The following PCMT1 variants were observed in gnomAD, a reference collection of about 807,000 sequenced individuals.
The protein encoded by PCMT1 is protein-L-isoaspartate (D-aspartate) O-methyltransferase.
PCMT1 carries 9 observed loss-of-function variants against 29.2 expected under a neutral mutation model. The observed-to-expected ratio is 0.31, with a 90% CI of 0.19 to 0.54. PCMT1 has a LOEUF of 0.54. Ranked by LOEUF, PCMT1 falls within the 20% of genes least tolerant of loss-of-function variation. PCMT1 has a pLI of 0.95. For missense variants in PCMT1, 184 were observed against 282.2 expected, an observed-to-expected ratio of 0.65 and a Z score of 2.49; for synonymous variants, 98 against 97.5, an observed-to-expected ratio of 1.00 and a Z score of -0.03.
intron 6 of PCMT1, chr6:149,797,517 T>TA (rs5880850): frequency 0.52 from 78,599 of 150,358 alleles, 23,172 homozygotes; most frequent in East Asian, 0.83. Context: ...AGACCCTGTT[T>TA]AAAAAAAAAA....
chr6:149,769,950 C>T (rs2115248332), intron 1 of PCMT1, among the ~76,000 whole-genome samples: 1 of 152,142 alleles, frequency 6.6e-6, no homozygotes, highest in South Asian at 2.1e-4. Flanking sequence ...ATCTTGCTTT[C>T]CTTCCTGAGA....
chr6:149,794,791 T>C (rs1562420871), intron 5 of PCMT1: 2 of 481,438 alleles, frequency 4.2e-6, no homozygotes, highest in Non-Finnish European at 8.4e-6. Context: ...ATGAGTCTCA[T>C]GTTGCCAGTG....
chr6:149,765,359 C>CAA (rs745563333), intron 1 of PCMT1, among the ~76,000 whole-genome samples: 2,826 of 85,612 alleles, frequency 0.033, 278 homozygotes, highest in African/African-American at 0.12. Context: ...GACTCTGTCT[C>CAA]AAAAAAAAAA....
chr6:149,793,261 G>C (rs1376964029), intron 4 of PCMT1, among the ~76,000 whole-genome samples: 1 of 151,166 alleles, frequency 6.6e-6, no homozygotes, highest in Non-Finnish European at 1.5e-5. Context: ...AAAAATTATT[G>C]TACTACTATT....
intron 1 of PCMT1, among the ~76,000 whole-genome samples, chr6:149,757,198 C>A (rs977232412): frequency 6.6e-6 from 1 of 152,036 alleles, no homozygotes; most frequent in Non-Finnish European, 1.5e-5. Context: ...TATCTTTAGT[C>A]ATATTAGCCA....
Position 149,796,151 on chromosome 6 carries a change from T to A in PCMT1, c.419-264T>A, listed in dbSNP as rs998914881. ...GAGTTCAAAAAAAAGAGTTGTGAGA[T>A]AGGAAAATGAAGCGCTTTTCATTTA... On this transcript the variant is annotated intron_variant, in intron 5 of 7. Transcript: ENST00000464889. 10 of 282,928 alleles carry A rather than the reference T, an allele frequency of 3.5e-5. No individual in the cohort carries two copies. The East Asian group carries it at 6.7e-4, about 19-fold the overall frequency. The allele number at this position is 282,928 out of a possible 1,614,324, so 17.5% of individuals were successfully genotyped here.
At chr6:149,799,909 T>G (rs1306805911) in intron 6 of PCMT1, among the ~76,000 whole-genome samples, 1 of 151,236 alleles carries the variant, frequency 6.6e-6, no homozygotes, top group Non-Finnish European at 1.5e-5. Context: ...AAATGATTGG[T>G]TGGATTGGGG....
chr6:149,780,692 C>T (rs1787779082), intron 3 of PCMT1, among the ~76,000 whole-genome samples: 1 of 152,188 alleles, frequency 6.6e-6, no homozygotes, highest in African/African-American at 2.4e-5. Context: ...ATCAGTACTT[C>T]TGTCCTTTTT....
At chr6:149,784,908 T>C (rs1423535336) in intron 3 of PCMT1, among the ~76,000 whole-genome samples, 1 of 152,242 alleles carries the variant, frequency 6.6e-6, no homozygotes, top group Non-Finnish European at 1.5e-5. Flanking sequence ...TTTCTTAATA[T>C]CTTATGTCTA....
At chr6:149,800,905 A>G (rs1198895708) in intron 6 of PCMT1, among the ~76,000 whole-genome samples, 2 of 152,192 alleles carry the variant, frequency 1.3e-5, no homozygotes, top group Non-Finnish European at 2.9e-5. Flanking sequence ...CGCCAAGAGG[A>G]TAGTTCTATA....
At chr6:149,761,291 A>G (rs545340661) in intron 1 of PCMT1, among the ~76,000 whole-genome samples, 3 of 151,810 alleles carry the variant, frequency 2.0e-5, no homozygotes, top group Non-Finnish European at 4.4e-5. Context: ...ACATATATAT[A>G]TACACATACA....
At chr6:149,771,961 A>C in intron 2 of PCMT1, 2 of 456,476 alleles carry the variant, frequency 4.4e-6, no homozygotes, top group South Asian at 1.5e-5. Context: ...TTAAGTTATT[A>C]ATGACTTCTC....
intron 3 of PCMT1, among the ~76,000 whole-genome samples, chr6:149,786,405 G>T (rs1231079400): frequency 2.2e-5 from 3 of 134,802 alleles, no homozygotes; most frequent in Admixed American, 7.2e-5. Flanking sequence ...GTGGCTGGCC[G>T]GGCGGGGGCT....
At chr6:149,762,518 G>GAT (rs71830267) in intron 1 of PCMT1, among the ~76,000 whole-genome samples, 3 of 25,848 alleles carry the variant, frequency 1.2e-4, no homozygotes, top group African/African-American at 9.3e-4. Flanking sequence ...ATATATCTAT[G>GAT]ATATATATAT....
intron 7 of PCMT1, among the ~76,000 whole-genome samples, chr6:149,802,754 A>C (rs1038514269): frequency 6.6e-6 from 1 of 152,064 alleles, no homozygotes; most frequent in African/African-American, 2.4e-5. Context: ...GGAAACAATG[A>C]GTTTGGTCTG....
At chr6:149,780,036 C>T (rs917833147) in intron 3 of PCMT1, among the ~76,000 whole-genome samples, 1 of 151,482 alleles carries the variant, frequency 6.6e-6, no homozygotes, top group African/African-American at 2.4e-5. Flanking sequence ...TACAAAACAG[C>T]TTTATTAAGA....
intron 7 of PCMT1, among the ~76,000 whole-genome samples, chr6:149,808,259 A>G (rs1214991861): frequency 6.6e-6 from 1 of 152,116 alleles, no homozygotes; most frequent in Non-Finnish European, 1.5e-5. Flanking sequence ...CATAGTATAT[A>G]GCAATTTTAA....
intron 3 of PCMT1, among the ~76,000 whole-genome samples, chr6:149,786,460 C>G (rs1195287734): frequency 7.1e-6 from 1 of 141,378 alleles, no homozygotes; most frequent in Non-Finnish European, 1.5e-5. Context: ...TGGGCGGAGA[C>G]GCTCCTCACT....
intron 1 of PCMT1, among the ~76,000 whole-genome samples, chr6:149,751,026 A>AT (rs1330591488): frequency 1.3e-5 from 2 of 151,944 alleles, no homozygotes; most frequent in Admixed American, 6.6e-5. Context: ...ATTAAAAAAA[A>AT]TTTTTTTTGG....
Sources: gnomAD v4.1 joint callset for allele counts (sites outside exome capture counted in the v4.1 genomes callset) on GRCh38, gnomAD v4.1.1 for gene constraint, MANE v1.5 for transcripts, NCBI Gene and HGNC (gene_info 2026-07-23, HGNC 2026-07-21) for gene names.